FHIT: variants seen among roughly 807,000 people sequenced by gnomAD.
FHIT encodes the protein bis(5'-adenosyl)-triphosphatase.
A neutral mutation model predicts 17.9 loss-of-function variants in FHIT; 19 were observed. The observed-to-expected ratio is 1.06, with a 90% confidence interval of 0.74 to 1.56. The LOEUF is 1.56. Among genes scored for constraint, FHIT ranks in the 40% most tolerant of loss-of-function variants. FHIT has a pLI of 0.00. For missense variants in FHIT, 248 were observed against 189.2 expected (o/e 1.31, Z -1.82); for synonymous variants, 81 against 69.7 (o/e 1.16, Z -0.81).
At chr3:60,423,765 A>T (rs1559901655) in intron 5 of FHIT, among the ~76,000 whole-genome samples, 1 of 152,176 alleles carries the variant, frequency 6.6e-6, no homozygotes, top group East Asian at 1.9e-4. Context: ...CACACCTGAA[A>T]CTACCACACT....
intron 5 of FHIT, among the ~76,000 whole-genome samples, chr3:60,020,945 G>T (rs960630152): frequency 1.3e-5 from 2 of 152,150 alleles, no homozygotes; most frequent in Admixed American, 6.5e-5. Context: ...CAATTCTGAA[G>T]AAGCATCTTG....
intron 4 of FHIT, among the ~76,000 whole-genome samples, chr3:60,566,783 G>A (rs534639717): frequency 0.014 from 2,082 of 151,290 alleles, 51 homozygotes; most frequent in African/African-American, 0.047. Context: ...AAATCAATGT[G>A]CAAAAATCAC....
Position 60,061,557 on chromosome 3 carries a change from A to G in FHIT, c.104-47405T>C, listed in dbSNP as rs1235507114. On this transcript the variant is annotated intron_variant, in intron 5 of 9. Coordinates refer to ENST00000492590, the MANE Select transcript of FHIT (RefSeq NM_002012.4). Reference sequence around the variant, plus strand: ...TCGATTCCCTGTTTTGTCAGTGAGTAATTATAGCAAATAAAATATTGCAGC... The same window carrying G: ...TCGATTCCCTGTTTTGTCAGTGAGTGATTATAGCAAATAAAATATTGCAGC... 2.0e-5 allele frequency among the ~76,000 whole-genome samples: 3 copies of G among 152,216 alleles called. No individual in the cohort carries two copies. The East Asian group carries it at 5.8e-4, about 29-fold the overall frequency.
At chr3:60,578,476 C>CACACACACACGA (rs374226661) in intron 4 of FHIT, among the ~76,000 whole-genome samples, 1 of 148,294 alleles carries the variant, frequency 6.7e-6, no homozygotes, top group African/African-American at 2.5e-5. Flanking sequence ...CACACACACA[C>CACACACACACGA]GATAAATATT....
intron 5 of FHIT, among the ~76,000 whole-genome samples, chr3:60,024,799 C>G (rs1478004653): frequency 6.6e-6 from 1 of 152,174 alleles, no homozygotes; most frequent in Non-Finnish European, 1.5e-5. Context: ...AGTGCAGGCC[C>G]TTGATAGCCT....
intron 2 of FHIT, among the ~76,000 whole-genome samples, chr3:61,152,773 A>AT (rs11392485): frequency 0.3 from 44,853 of 152,010 alleles, 7,438 homozygotes; most frequent in East Asian, 0.72. Flanking sequence ...TATGGCATCT[A>AT]ATGAGAAATG....
intron 4 of FHIT, among the ~76,000 whole-genome samples, chr3:60,739,674 A>G (rs2042204369): frequency 1.3e-5 from 2 of 152,158 alleles, no homozygotes; most frequent in Admixed American, 1.3e-4. Flanking sequence ...TAACAACCAA[A>G]AAGTCTCCAG....
intron 8 of FHIT, among the ~76,000 whole-genome samples, chr3:59,883,566 G>T (rs56242402): frequency 0.023 from 3,508 of 152,264 alleles, 46 homozygotes; most frequent in South Asian, 0.063. Context: ...TACAGGGTCC[G>T]TCTCACAACA....
At chr3:60,164,058 CA>C (rs758188301) in intron 5 of FHIT, among the ~76,000 whole-genome samples, 10 of 152,140 alleles carry the variant, frequency 6.6e-5, no homozygotes, top group Non-Finnish European at 1.2e-4. Context: ...CCAACAAAAA[CA>C]TTTTTTTTGG....
At chr3:60,957,807 C>T (rs1709241611) in intron 3 of FHIT, among the ~76,000 whole-genome samples, 1 of 152,196 alleles carries the variant, frequency 6.6e-6, no homozygotes, top group South Asian at 2.1e-4. Flanking sequence ...AACCACAGCA[C>T]AACTGATATT....
At chr3:60,960,713 G>A (rs1244194537) in intron 3 of FHIT, among the ~76,000 whole-genome samples, 1 of 152,138 alleles carries the variant, frequency 6.6e-6, no homozygotes. Flanking sequence ...GCAATAGTTT[G>A]CTCAGAATGG....
At chr3:60,263,909 AAGTG>A (rs1238644737) in intron 5 of FHIT, among the ~76,000 whole-genome samples, 2 of 151,956 alleles carry the variant, frequency 1.3e-5, no homozygotes, top group African/African-American at 4.8e-5. Flanking sequence ...GGTCTGGAGA[AAGTG>A]AGTGTTTTTT....
intron 4 of FHIT, among the ~76,000 whole-genome samples, chr3:60,741,687 C>A (rs2042244716): frequency 6.6e-6 from 1 of 152,200 alleles, no homozygotes; most frequent in Non-Finnish European, 1.5e-5. Context: ...CTTTCTCCTT[C>A]TCCTTCTTAT....
chr3:60,798,752 C>CTTTTTTTTTTTTT (rs35159710), intron 4 of FHIT, among the ~76,000 whole-genome samples: 9 of 105,474 alleles, frequency 8.5e-5, no homozygotes, highest in Non-Finnish European at 1.3e-4. Flanking sequence ...ACTGCAATAG[C>CTTTTTTTTTTTTT]TTTTTTTTTT....
At chr3:60,208,086 A>T (rs1472371739) in intron 5 of FHIT, among the ~76,000 whole-genome samples, 1 of 152,160 alleles carries the variant, frequency 6.6e-6, no homozygotes, top group Non-Finnish European at 1.5e-5. Flanking sequence ...ACCTATTACC[A>T]GTGGTTCCTC....
chr3:60,367,276 C>T (rs547872709), intron 5 of FHIT, among the ~76,000 whole-genome samples: 3 of 152,180 alleles, frequency 2.0e-5, no homozygotes, highest in Non-Finnish European at 4.4e-5. Flanking sequence ...TCAATTATCC[C>T]AGGGTCTATT....
At chr3:60,595,482 T>C (rs1373608711) in intron 4 of FHIT, among the ~76,000 whole-genome samples, 2 of 148,558 alleles carry the variant, frequency 1.3e-5, no homozygotes, top group Non-Finnish European at 1.5e-5. Context: ...TACATATACA[T>C]ATAAATATGT....
intron 4 of FHIT, among the ~76,000 whole-genome samples, chr3:60,739,055 G>A (rs144513845): frequency 1.4e-4 from 22 of 152,290 alleles, no homozygotes; most frequent in Non-Finnish European, 2.9e-4. Context: ...GGGGGCAGTC[G>A]GAGAAGAGTT....
At chr3:60,175,784 A>G (rs980028279) in intron 5 of FHIT, among the ~76,000 whole-genome samples, 4 of 152,010 alleles carry the variant, frequency 2.6e-5, no homozygotes, top group Non-Finnish European at 4.4e-5. Context: ...GCATTTTAAA[A>G]CTCAATGCTA....
Sources: allele counts gnomAD v4.1 joint callset (sites outside exome capture counted in the v4.1 genomes callset), GRCh38; gene constraint gnomAD v4.1.1; transcripts MANE v1.5; gene names NCBI Gene and HGNC (gene_info 2026-07-23, HGNC 2026-07-21).